Variants in DACH2 observed in about 807,000 individuals in gnomAD.
DACH2 encodes dachshund homolog 2.
Under a neutral mutation model 35.8 loss-of-function variants are expected in DACH2, and 17 were observed. The observed-to-expected ratio is 0.48, with a 90% confidence interval of 0.33 to 0.71. DACH2 has a LOEUF of 0.71. Ranked by LOEUF, DACH2 falls within the 30% of genes least tolerant of loss-of-function variation. DACH2 has a pLI of 0.02. For missense variants in DACH2, 469 were observed against 472.7 expected, an observed-to-expected ratio of 0.99 and a Z score of 0.07; for synonymous variants, 195 against 177.3, an observed-to-expected ratio of 1.10 and a Z score of -0.79.
At chrX:86,735,149 T>C (rs958817192) in intron 6 of DACH2, among the ~76,000 whole-genome samples, 1 of 111,940 alleles carries the variant, frequency 8.9e-6, no homozygotes, top group South Asian at 3.6e-4. Context: ...CAGTTGTTTT[T>C]AAAAGGCAAT....
chrX:86,177,248 A>G (rs183679171), intron 1 of DACH2, among the ~76,000 whole-genome samples: 2 of 112,513 alleles, frequency 1.8e-5, no homozygotes, highest in Non-Finnish European at 3.8e-5. Flanking sequence ...GATACAGTGA[A>G]GAACTTAGAA....
intron 2 of DACH2, among the ~76,000 whole-genome samples, chrX:86,397,184 C>G (rs1352671344): frequency 9.0e-6 from 1 of 110,797 alleles, no homozygotes; most frequent in Non-Finnish European, 1.9e-5. Flanking sequence ...TGATTTGGCT[C>G]TCTGTTTGTC....
intron 6 of DACH2, among the ~76,000 whole-genome samples, chrX:86,725,325 T>C (rs2041454236): frequency 1.8e-5 from 2 of 111,886 alleles, no homozygotes; most frequent in African/African-American, 6.5e-5. Flanking sequence ...GGATTTTTGC[T>C]GAAAATGTAT....
intron 2 of DACH2, chrX:86,512,919 A>G: frequency 3.0e-6 from 1 of 328,150 alleles, no homozygotes; most frequent in East Asian, 9.8e-5. Context: ...AGAATCAAGT[A>G]GAAAGAAGGA....
chrX:86,752,685 A>G (rs1204385758), intron 7 of DACH2, among the ~76,000 whole-genome samples: 2 of 111,616 alleles, frequency 1.8e-5, no homozygotes, highest in Admixed American at 1.9e-4. Flanking sequence ...TAGTAATTGC[A>G]GATTATATCC....
At chrX:86,524,425 T>C (rs2038602307) in intron 3 of DACH2, among the ~76,000 whole-genome samples, 1 of 112,173 alleles carries the variant, frequency 8.9e-6, no homozygotes, top group Non-Finnish European at 1.9e-5. Flanking sequence ...CAGCATATGG[T>C]GTTTTTTATG....
At chrX:86,442,781 C>T (rs1384038114) in intron 2 of DACH2, among the ~76,000 whole-genome samples, 1 of 111,663 alleles carries the variant, frequency 9.0e-6, no homozygotes, top group Non-Finnish European at 1.9e-5. Flanking sequence ...GGATATCCAG[C>T]TTTCTCAGCA....
At chrX:86,655,101 C>T (rs145182008) in intron 4 of DACH2, among the ~76,000 whole-genome samples, 35 of 111,136 alleles carry the variant, frequency 3.1e-4, no homozygotes, top group East Asian at 2.6e-3. Context: ...TTCCAAGAAG[C>T]GACAGAAGTA....
intron 3 of DACH2, among the ~76,000 whole-genome samples, chrX:86,639,823 AC>A (rs757315928): frequency 9.0e-6 from 1 of 111,287 alleles, no homozygotes; most frequent in Admixed American, 9.5e-5. Flanking sequence ...CAAGCATAGC[AC>A]AGCTGATCTA....
intron 3 of DACH2, among the ~76,000 whole-genome samples, chrX:86,610,020 C>G (rs1359562940): frequency 8.9e-6 from 1 of 111,782 alleles, no homozygotes; most frequent in African/African-American, 3.3e-5. Flanking sequence ...TTGGCAAAGT[C>G]AGCCGAGTCT....
At chrX:86,795,922 G>T (rs1351929098) in intron 7 of DACH2, among the ~76,000 whole-genome samples, 1 of 109,008 alleles carries the variant, frequency 9.2e-6, no homozygotes, top group Non-Finnish European at 1.9e-5. Context: ...CCTTTTCAGT[G>T]AGTGTTACAG....
At chrX:86,399,077 G>A (rs1021802779) in intron 2 of DACH2, among the ~76,000 whole-genome samples, 40 of 111,358 alleles carry the variant, frequency 3.6e-4, no homozygotes, top group South Asian at 7.5e-4. Context: ...TCCTGTATTG[G>A]GTGCATATAT....
chrX:86,564,690 T>C (rs941929108), intron 3 of DACH2, among the ~76,000 whole-genome samples: 2 of 111,539 alleles, frequency 1.8e-5, no homozygotes, highest in African/African-American at 3.3e-5. Context: ...CAATTAAAGA[T>C]GTAATATGAA....
At chrX:86,292,919 A>C (rs1424055729) in intron 1 of DACH2, among the ~76,000 whole-genome samples, 2 of 101,968 alleles carry the variant, frequency 2.0e-5, no homozygotes, top group Non-Finnish European at 4.0e-5. Context: ...TGGGGTGGAG[A>C]GTTCTGTAGA....
chrX:86,484,232 T>A (rs776789919), intron 2 of DACH2, among the ~76,000 whole-genome samples: 1 of 111,919 alleles, frequency 8.9e-6, no homozygotes, highest in Non-Finnish European at 1.9e-5. Context: ...AAAATGTTAA[T>A]CTCTGCTAAA....
intron 11 of DACH2, among the ~76,000 whole-genome samples, chrX:86,816,656 A>G (rs760642792): frequency 8.9e-6 from 1 of 112,002 alleles, no homozygotes; most frequent in Non-Finnish European, 1.9e-5. Flanking sequence ...ACAATTGCTT[A>G]CATCTTTAAA....
chrX:86,300,568 G>C (rs1319417226), intron 1 of DACH2, among the ~76,000 whole-genome samples: 3 of 109,842 alleles, frequency 2.7e-5, no homozygotes, highest in African/African-American at 1.0e-4. Flanking sequence ...GATAGCATTA[G>C]GAGATATATC....
At chrX:86,804,482 T>G (rs1423114745) in intron 7 of DACH2, among the ~76,000 whole-genome samples, 1 of 111,494 alleles carries the variant, frequency 9.0e-6, no homozygotes, top group Non-Finnish European at 1.9e-5. Context: ...ACCATATCAT[T>G]CTGCCCTGAC....
chrX:86,521,469 A>G (rs1204427294), intron 3 of DACH2, among the ~76,000 whole-genome samples: 1 of 111,765 alleles, frequency 8.9e-6, no homozygotes, highest in East Asian at 2.8e-4. Context: ...GGAAGTCTTC[A>G]TGGATGACAT....
Sources: allele counts gnomAD v4.1 joint callset (sites outside exome capture counted in the v4.1 genomes callset), GRCh38; gene constraint gnomAD v4.1.1; transcripts MANE v1.5; gene names NCBI Gene and HGNC (gene_info 2026-07-23, HGNC 2026-07-21).